The following GGA1 variants were observed in gnomAD, a reference collection of about 807,000 sequenced individuals.
GGA1 encodes the protein ADP-ribosylation factor-binding protein GGA1.
In GGA1, 18 loss-of-function variants were observed where a neutral mutation model predicts 76.9. The observed-to-expected ratio is 0.23, with a 90% CI of 0.16 to 0.35. GGA1 has a LOEUF of 0.35. Ranked by LOEUF, GGA1 falls within the 10% of genes least tolerant of loss-of-function variation. The pLI is 1.00. For synonymous variants in GGA1, 342 were observed against 354.7 expected (o/e 0.96, Z 0.40); for missense variants, 755 against 859.0 (o/e 0.88, Z 1.51).
chr22:37,608,892 A>T lies in GGA1; in HGVS notation c.32A>T (p.Glu11Val). 1 of 1,309,982 alleles carries T rather than the reference A, an allele frequency of 7.6e-7. No homozygotes were observed. Among genetic ancestry groups the T allele is most frequent in the Non-Finnish European group, 9.7e-7 (1 of 1,030,194 alleles). 81.1% of individuals were successfully genotyped at this position (1,309,982 alleles called of 1,614,324 possible). A position where few individuals can be genotyped will look rare whatever the true frequency, so the allele number is the denominator to read the frequency against. The change falls in exon 1 of 17, where the codon GAG becomes GTG. Residue 11 changes from glutamate (E) to valine (V), a missense_variant. Physicochemically the swap from Glu to Val is moderately radical, Grantham distance 121. Coordinates refer to ENST00000343632, the MANE Select transcript of GGA1 (RefSeq NM_013365.5). ...CCCGCGATGGAGCCGGAGACTCTGG[A>T]GGCGCGAATCAGTGAGTGTCCGGGA... is the stretch of plus-strand genomic sequence containing the variant. MEPAMEPETL[E>V]ARINRATNPL...
At chr22:37,613,156 C>A (rs1928056986) in intron 1 of GGA1, 7 of 985,232 alleles carry the variant, frequency 7.1e-6, no homozygotes, top group Non-Finnish European at 8.4e-6. Context: ...GGAGCCACTC[C>A]CAAGGGAATG....
Position 37,620,898 on chromosome 22 carries a change from T to A in GGA1, c.513T>A (p.Asp171Glu). ...GGCCGAAGAATGTGATCTTTGAAGA[T>A]GAGGAGAAATCCAAGGTGAGACTCC... ...PPRPKNVIFEDEEKSKMLARL... is the reference protein window; with the variant it reads ...PPRPKNVIFEEEEKSKMLARL... Residue 171 changes from aspartate to glutamate, a missense_variant, in exon 6 of 17, where the codon GAT becomes GAA. Coordinates refer to ENST00000343632, the MANE Select transcript of GGA1 (RefSeq NM_013365.5). The A allele has an allele frequency of 6.2e-7, 1 of 1,605,862 alleles. No homozygotes were observed. Among genetic ancestry groups the A allele is most frequent in the Non-Finnish European group, 8.5e-7 (1 of 1,172,426 alleles).
intron 1 of GGA1, chr22:37,610,499 G>C (rs1369271887): frequency 6.6e-6 from 1 of 152,134 alleles, no homozygotes; most frequent in Non-Finnish European, 1.5e-5. Context: ...GCGCCACCAC[G>C]CCCAGCTATT....
intron 3 of GGA1, chr22:37,617,590 T>C: frequency 3.2e-6 from 3 of 942,898 alleles, no homozygotes; most frequent in Non-Finnish European, 3.8e-6. Flanking sequence ...TTTCAGCACT[T>C]GGGGAGGCCA....
At position 37,632,464 on chromosome 22, in the gene GGA1, C is replaced by T. The variant is rs1065307; in HGVS notation, c.1758C>T (p.Ile586=). 2.6e-3 allele frequency: 4,248 copies of T among 1,613,922 alleles called. 126 individuals carry two copies. In the African/African-American group the frequency reaches 0.051, roughly 19 times the overall value. The change falls in exon 16 of 17, where the codon ATC becomes ATT. Residue 586 remains isoleucine, a synonymous_variant. Transcript: ENST00000343632. The surrounding 1 kb of genome is among the most constrained non-coding windows in gnomAD (Gnocchi z 5.1). ...SGTELPAFNP[I]VHPSAITQVL... ...CGGAGCTGCCAGCTTTTAACCCCATCGTCCACCCCTCAGCAATCACCCAGG... is the reference window on the plus strand; with the variant it reads ...CGGAGCTGCCAGCTTTTAACCCCATTGTCCACCCCTCAGCAATCACCCAGG...
intron 14 of GGA1, 36 bp downstream of exon 14, chr22:37,631,135 G>A: frequency 6.8e-7 from 1 of 1,462,240 alleles, no homozygotes; most frequent in Non-Finnish European, 9.2e-7. Context: ...GCTGGGTTGG[G>A]TCAGCTTGCT....
At position 37,622,095 on chromosome 22, in the gene GGA1, T is replaced by C. The variant is rs147553267; in HGVS notation, c.609+399T>C. Among the ~76,000 whole-genome samples, 827 of 152,206 alleles carry C rather than the reference T, an allele frequency of 5.4e-3. 3 individuals carry two copies. Among genetic ancestry groups the C allele is most frequent in the Middle Eastern group, 0.024 (7 of 292 alleles). On this transcript the variant is annotated intron_variant, in intron 7 of 16. Coordinates refer to ENST00000343632, the MANE Select transcript of GGA1 (RefSeq NM_013365.5). ...GTGTATGTATATGAGGAGACTTTTT[T>C]TGAGACAAGGACTCACTCTCTAGCC...
chr22:37,614,116 C>T, intron 1 of GGA1, 74 bp from the exon 2 acceptor site: 1 of 1,035,788 alleles, frequency 9.7e-7, no homozygotes, highest in Non-Finnish European at 1.5e-6. Flanking sequence ...CTGACCACAC[C>T]TTTGCCAGGG....
Position 37,623,619 on chromosome 22 carries a change from A to C in GGA1, c.818A>C (p.Asn273Thr), listed in dbSNP as rs976537118. Reference sequence around the variant, plus strand: ...CGACTGGCGAGTGACACAGAGGACAATGATGAGGCCTTAGGTGAGCCCAGG... The same window carrying C: ...CGACTGGCGAGTGACACAGAGGACACTGATGAGGCCTTAGGTGAGCCCAGG... Reference protein sequence around the residue: ...LFRLASDTEDNDEALAEILQA... With the variant: ...LFRLASDTEDTDEALAEILQA... Residue 273 changes from asparagine to threonine, a missense_variant, in exon 9 of 17, where the codon AAT (asparagine) becomes ACT (threonine). By Grantham distance (65) the Asn-to-Thr change is moderately conservative. Coordinates refer to ENST00000343632, the MANE Select transcript of GGA1 (RefSeq NM_013365.5). The surrounding 1 kb of genome is among the most constrained non-coding windows in gnomAD (Gnocchi z 4.6). The C allele has an allele frequency of 6.3e-7, 1 of 1,585,818 alleles. No individual in the cohort carries two copies. Among genetic ancestry groups the C allele is most frequent in the Admixed American group, 1.8e-5 (1 of 54,356 alleles).
At chr22:37,610,670 G>A (rs907013488) in intron 1 of GGA1, 2 of 152,388 alleles carry the variant, frequency 1.3e-5, no homozygotes, top group Non-Finnish European at 2.9e-5. Flanking sequence ...TGGGATTACA[G>A]GCGTGAGCCA....
chr22:37,609,930 A>G (rs6000841), intron 1 of GGA1, among the ~76,000 whole-genome samples: 14,292 of 152,188 alleles, frequency 0.094, 1,496 homozygotes, highest in African/African-American at 0.25. Context: ...GAGTTGAACC[A>G]TGAGGTTGGC....
At chr22:37,617,916 G>A (rs1929110482) in intron 3 of GGA1, 1 of 182,326 alleles carries the variant, frequency 5.5e-6, no homozygotes. Flanking sequence ...GAGATCAGGA[G>A]TTCAAGATCA....
chr22:37,626,055 C>A (rs1930768643), intron 11 of GGA1, 106 bp downstream of exon 11: 1 of 831,618 alleles, frequency 1.2e-6, no homozygotes, highest in Non-Finnish European at 1.8e-6. Flanking sequence ...GGTGTGGATC[C>A]TGTGGGGCAC....
chr22:37,625,878 C>T lies in GGA1; in HGVS notation c.1022C>T (p.Pro341Leu), dbSNP rs1272403775. 6.2e-7 allele frequency: 1 copy of T among 1,611,736 alleles called. No homozygotes were observed. The highest frequency in any genetic ancestry group is 8.5e-7 in the Non-Finnish European group (1 of 1,179,294). ...ACCTACCCAGCTATGCCCACCCGCC[C>T]TGGCGAGCAGGCCAGCCCTGAGCAG... The part of the protein sequence containing the change: ...GTTYPAMPTR[P>L]GEQASPEQPS... The change falls in exon 11 of 17, where the codon CCT becomes CTT. Residue 341 changes from proline (P) to leucine (L), a missense_variant. Pro to Leu is a moderately conservative substitution (Grantham distance 98). Coordinates refer to ENST00000343632, the MANE Select transcript of GGA1 (RefSeq NM_013365.5). This position sits in a 1 kb window ranked among gnomAD's most constrained non-coding sequence, Gnocchi z 4.1.
intron 1 of GGA1, among the ~76,000 whole-genome samples, chr22:37,609,545 C>G (rs924702917): frequency 6.6e-6 from 1 of 152,174 alleles, no homozygotes; most frequent in African/African-American, 2.4e-5. Flanking sequence ...CAGCCTAACC[C>G]CTCAGTCTCC....
intron 4 of GGA1, chr22:37,619,981 A>T: frequency 1.6e-6 from 1 of 624,624 alleles, no homozygotes; most frequent in Admixed American, 2.7e-5. Flanking sequence ...CCTGTCCCTC[A>T]TGTCAGTTCT....
At chr22:37,617,466 A>C (rs1929026790) in intron 3 of GGA1, 58 of 1,002,886 alleles carry the variant, frequency 5.8e-5, no homozygotes, top group Non-Finnish European at 6.8e-5. Flanking sequence ...GGCCCCCAGC[A>C]TGGGCCACAT....
In GGA1 at chr22:37,620,831, C is replaced by G. The variant is rs1232210107; in HGVS notation, c.446C>G (p.Pro149Arg). 6.2e-7 allele frequency: 1 copy of G among 1,609,480 alleles called. No individual in the cohort carries two copies. Among genetic ancestry groups the G allele is most frequent in the Non-Finnish European group, 8.5e-7 (1 of 1,175,826 alleles). Residue 149 changes from proline to arginine, a missense_variant, in exon 6 of 17, where the codon CCC (proline) becomes CGC (arginine). Pro to Arg is a moderately radical substitution (Grantham distance 103). Transcript: ENST00000343632. ...AATCCAGGGATTGTAAAGTCCGACC[C>G]CAAGCTTCCAGATGACACTACCTTT... ...LKKQGIVKSD[P>R]KLPDDTTFPL...
At chr22:37,617,188 T>C (rs1462417718) in intron 3 of GGA1, 191 bp downstream of exon 3, 30 of 1,450,806 alleles carry the variant, frequency 2.1e-5, no homozygotes, top group Admixed American at 5.9e-5. Context: ...CACCCCAGCA[T>C]CCATACACGT....
Sources: gnomAD v4.1 joint callset for allele counts (sites outside exome capture counted in the v4.1 genomes callset) on GRCh38, gnomAD v4.1.1 for gene constraint, Gnocchi (gnomAD v3.1) non-coding constraint, MANE v1.5 for transcripts, NCBI Gene and HGNC (gene_info 2026-07-23, HGNC 2026-07-21) for gene names.